Variants in XPNPEP2 observed in about 807,000 individuals in gnomAD.
XPNPEP2 encodes X-prolyl aminopeptidase 2.
XPNPEP2 carries 64 observed loss-of-function variants against 59.8 expected under a neutral mutation model. That is an observed-to-expected ratio of 1.07 (90% CI 0.87 to 1.32). The LOEUF (loss-of-function observed/expected upper bound fraction) is 1.32, where lower values mean the gene tolerates loss of function less well. Ranked by LOEUF, XPNPEP2 falls within the 40% of genes most tolerant of loss-of-function variation. XPNPEP2 has a pLI of 0.00. For synonymous variants in XPNPEP2, 235 were observed against 210.0 expected, an observed-to-expected ratio of 1.12 and a Z score of -1.03; for missense variants, 575 against 546.8, an observed-to-expected ratio of 1.05 and a Z score of -0.51.
intron 19 of XPNPEP2, among the ~76,000 whole-genome samples, chrX:129,767,346 G>A (rs930143959): frequency 1.8e-5 from 2 of 112,518 alleles, no homozygotes; most frequent in South Asian, 3.7e-4. Context: ...GTTGATGTGC[G>A]TACTTTGAAA....
chrX:129,741,196 C>G (rs1034786679), intron 1 of XPNPEP2, among the ~76,000 whole-genome samples: 5 of 109,395 alleles, frequency 4.6e-5, no homozygotes, highest in African/African-American at 1.7e-4. Context: ...TCTCGAGTCA[C>G]TCTAAATTGG....
intron 9 of XPNPEP2, 147 bp from the exon 10 acceptor site, chrX:129,752,003 G>T (rs1926429055): frequency 2.5e-6 from 2 of 814,926 alleles, no homozygotes; most frequent in Non-Finnish European, 3.5e-6. Flanking sequence ...TTAAACCTCT[G>T]TCCCTATTGA....
At position 129,759,277 on chromosome X, in the gene XPNPEP2, C is replaced by A. The variant is rs372017481; in HGVS notation, c.1428+37C>A. On this transcript the variant is annotated intron_variant, in intron 15 of 20. Transcript: ENST00000371106. Reference sequence around the variant, plus strand: ...CCCAGATTTCCCCTCACCACCTTCCCCCAAGGGGGCACCCAAGCAGTCAAG... The same window carrying A: ...CCCAGATTTCCCCTCACCACCTTCCACCAAGGGGGCACCCAAGCAGTCAAG... The A allele has an allele frequency of 9.2e-6, 11 of 1,194,782 alleles. No homozygotes were observed. The African/African-American group carries it at 1.9e-4, about 21-fold the overall frequency.
At chrX:129,749,532 C>T (rs976716814) in intron 7 of XPNPEP2, among the ~76,000 whole-genome samples, 11 of 113,208 alleles carry the variant, frequency 9.7e-5, no homozygotes, top group Non-Finnish European at 1.5e-4. Context: ...ATATTTTTCA[C>T]GACATTAAGT....
chrX:129,759,311 C>A, intron 15 of XPNPEP2, 71 bp downstream of exon 15: 2 of 1,147,981 alleles, frequency 1.7e-6, no homozygotes, highest in Non-Finnish European at 2.4e-6. Flanking sequence ...AGATCCCTTC[C>A]ATTTCAGAGG....
rs1254686938 is a variant in XPNPEP2, at chrX:129,739,248, T to C, written c.35T>C (p.Leu12Pro). Reference sequence around the variant, plus strand: ...GCTCACTGGGGCTGCTGCCCCTGGCTGGTCCTCCTCTGTGGTATGTGCATC... The same window carrying C: ...GCTCACTGGGGCTGCTGCCCCTGGCCGGTCCTCCTCTGTGGTATGTGCATC... ...ARAHWGCCPW[L>P]VLLCACAWGH... Residue 12 changes from leucine (L) to proline (P), a missense_variant, in exon 1 of 21, where the codon CTG (leucine) becomes CCG (proline). Physicochemically the swap from Leu to Pro is moderately conservative, Grantham distance 98. Transcript: ENST00000371106. 3 of 1,209,858 alleles carry C rather than the reference T, an allele frequency of 2.5e-6. No homozygotes were observed. Among genetic ancestry groups the C allele is most frequent in the Non-Finnish European group, 3.4e-6 (3 of 895,399 alleles).
At chrX:129,748,852 C>T (rs1296866579) in intron 7 of XPNPEP2, among the ~76,000 whole-genome samples, 4 of 111,111 alleles carry the variant, frequency 3.6e-5, no homozygotes, top group Non-Finnish European at 3.8e-5. Flanking sequence ...GAGGGGATGC[C>T]GAGTCATCAC....
chrX:129,751,595 AAAGGAAGGAAGGAAGG>A (rs201428707), intron 8 of XPNPEP2, 134 bp from the exon 9 acceptor site: 5,007 of 200,202 alleles, frequency 0.025, 102 homozygotes, highest in Admixed American at 0.053. Context: ...AGAAAGAAAG[AAAGGAAGGAAGGAAGG>A]AAGGAAGGAA....
In XPNPEP2 at chrX:129,761,285, C is replaced by G; in HGVS notation, c.1603+9C>G. The G allele has an allele frequency of 8.6e-7, 1 of 1,169,031 alleles. No individual in the cohort carries two copies. The highest frequency in any genetic ancestry group is 1.2e-6 in the Non-Finnish European group (1 of 857,354). ...CCTGTGTGTGCATGAGTGTAGGTGTCTCCTCAGCACTCCCCAGGCCACCCC... is the reference window on the plus strand; with the variant it reads ...CCTGTGTGTGCATGAGTGTAGGTGTGTCCTCAGCACTCCCCAGGCCACCCC... On this transcript the variant is annotated intron_variant, in intron 17 of 20. Coordinates refer to ENST00000371106, the MANE Select transcript of XPNPEP2 (RefSeq NM_003399.6).
intron 10 of XPNPEP2, among the ~76,000 whole-genome samples, chrX:129,752,670 A>T (rs1230307071): frequency 8.9e-6 from 1 of 112,474 alleles, no homozygotes; most frequent in Admixed American, 9.4e-5. Context: ...CAACTTAGCC[A>T]ATCTGGGTCT....
At chrX:129,767,899 G>A (rs777092651) in intron 20 of XPNPEP2, among the ~76,000 whole-genome samples, 1 of 111,551 alleles carries the variant, frequency 9.0e-6, no homozygotes, top group East Asian at 2.8e-4. Flanking sequence ...CCCAACCCCA[G>A]GTAGTGAATA....
intron 9 of XPNPEP2, 69 bp downstream of exon 9, chrX:129,751,895 G>A (rs1926426651): frequency 9.3e-7 from 1 of 1,070,330 alleles, no homozygotes; most frequent in Admixed American, 2.2e-5. Context: ...CCCCACCACT[G>A]ATCCCGCCTT....
chrX:129,753,353 A>G (rs189751433), intron 11 of XPNPEP2, 105 bp downstream of exon 11: 8 of 803,676 alleles, frequency 1.0e-5, no homozygotes, highest in Non-Finnish European at 1.5e-5. Flanking sequence ...CAATGAAACA[A>G]AGAAGCAAGC....
intron 5 of XPNPEP2, 79 bp downstream of exon 5, chrX:129,746,419 T>A (rs776416914): frequency 9.8e-7 from 1 of 1,015,612 alleles, no homozygotes; most frequent in Non-Finnish European, 1.4e-6. Flanking sequence ...AGAGCGTGCA[T>A]GTAAGACCAT....
At chrX:129,743,925 T>C (rs769967806) in intron 2 of XPNPEP2, 36 bp from the exon 3 acceptor site, 13 of 1,155,929 alleles carry the variant, frequency 1.1e-5, no homozygotes, top group Non-Finnish European at 1.5e-5. Context: ...GTGTATCTGT[T>C]TGTTTGTGTC....
chrX:129,764,595 C>T (rs942105625), intron 19 of XPNPEP2, among the ~76,000 whole-genome samples: 4 of 106,331 alleles, frequency 3.8e-5, no homozygotes, highest in African/African-American at 1.0e-4. Context: ...GCGGAGGTTG[C>T]GGTGAGCCAA....
intron 17 of XPNPEP2, among the ~76,000 whole-genome samples, chrX:129,761,551 G>A (rs1926656615): frequency 8.9e-6 from 1 of 111,940 alleles, no homozygotes; most frequent in Admixed American, 9.4e-5. Context: ...GCTGCATGTG[G>A]TGACTCACAC....
chrX:129,762,473 G>A (rs1056692769), intron 18 of XPNPEP2, among the ~76,000 whole-genome samples: 1 of 111,818 alleles, frequency 8.9e-6, no homozygotes, highest in African/African-American at 3.3e-5. Context: ...ACAGGGAAGA[G>A]AGAGTGAGTC....
Position 129,754,434 on chromosome X carries a change from C to T in XPNPEP2, c.1108-38C>T, listed in dbSNP as rs73633919. On this transcript the variant is annotated intron_variant, in intron 11 of 20. Coordinates refer to ENST00000371106, the MANE Select transcript of XPNPEP2 (RefSeq NM_003399.6). ...GGAGCCTGTGGCTGCAACCAGACCT[C>T]ACCCGGCTCCTCTGTTTCCCTGCTT... The T allele has an allele frequency of 3.5e-3, 4,019 of 1,132,956 alleles. 82 individuals are homozygous for T. The African/African-American group carries it at 0.063, about 18-fold the overall frequency. The allele number at this position is 1,132,956 out of a possible 1,213,427, so 93.4% of individuals were successfully genotyped here.
Sources: gnomAD v4.1 joint callset for allele counts (sites outside exome capture counted in the v4.1 genomes callset) on GRCh38, gnomAD v4.1.1 for gene constraint, MANE v1.5 for transcripts, NCBI Gene and HGNC (gene_info 2026-07-23, HGNC 2026-07-21) for gene names.